LCOR: variants seen among roughly 807,000 people sequenced by gnomAD.
LCOR encodes the protein ligand dependent nuclear receptor corepressor, also known as ligand-dependent corepressor.
A neutral mutation model predicts 64.4 loss-of-function variants in LCOR; 14 were observed. The observed-to-expected ratio is 0.22, with a 90% CI of 0.14 to 0.34. The LOEUF is 0.34. LCOR is among the 10% of genes least tolerant of loss of function. LCOR has a pLI of 1.00. For synonymous variants in LCOR, 643 were observed against 642.5 expected, an observed-to-expected ratio of 1.00 and a Z score of -0.01; for missense variants, 1,686 against 1,765.3, an observed-to-expected ratio of 0.96 and a Z score of 0.80.
At chr10:96,954,157 AG>A (rs1847726376) in intron 7 of LCOR, among the ~76,000 whole-genome samples, 1 of 152,238 alleles carries the variant, frequency 6.6e-6, no homozygotes. Context: ...GTAGAACTTA[AG>A]GGGTAAATAA....
In LCOR at chr10:96,840,275, C is replaced by G. The variant is rs118140917; in HGVS notation, c.-330+6796C>G. 6.6e-4 allele frequency among the ~76,000 whole-genome samples: 100 copies of G among 152,230 alleles called. No homozygotes were observed. In the East Asian group the frequency reaches 7.7e-3, roughly 12 times the overall value. ...TTATTCCTTTGTTTCATGTTTTAAT[C>G]TACTTTTTGATAAAGAGAGTTGTAG... On this transcript the variant is annotated intron_variant, in intron 2 of 7. Transcript: ENST00000421806.
intron 2 of LCOR, among the ~76,000 whole-genome samples, chr10:96,872,986 A>AT (rs1846097934): frequency 6.6e-6 from 1 of 152,366 alleles, no homozygotes; most frequent in South Asian, 2.1e-4. Flanking sequence ...TCCCATATGC[A>AT]TAAATAACTG....
In LCOR at chr10:96,981,825, TAAAA is replaced by T; in HGVS notation, c.1366_1369del (p.Lys456GlyfsTer5). On this transcript the variant is annotated frameshift_variant, in exon 8 of 8. Coordinates refer to ENST00000421806, the MANE Select transcript of LCOR (RefSeq NM_001346516.2). LOFTEE classifies it low-confidence loss of function (END_TRUNC). ...CCTCCATCAAGACAGCTCGGAAAAG[TAAAA>T]GGGCATCAGGGCTGAGGATAAATGA... 6.2e-7 allele frequency: 1 copy of T among 1,614,126 alleles called. No individual in the cohort carries two copies. Among genetic ancestry groups the T allele is most frequent in the Non-Finnish European group, 8.5e-7 (1 of 1,180,018 alleles).
At position 96,908,277 on chromosome 10, in the gene LCOR, C is replaced by T. The variant is rs570843713; in HGVS notation, c.-184+530C>T. On this transcript the variant is annotated intron_variant, in intron 4 of 7. Coordinates refer to ENST00000421806, the MANE Select transcript of LCOR (RefSeq NM_001346516.2). ...AAGAGCTGGAATTACAGGCATGAGCCACCGCGCCCAGCCCATGCATTGTTT... is the reference window on the plus strand; with the variant it reads ...AAGAGCTGGAATTACAGGCATGAGCTACCGCGCCCAGCCCATGCATTGTTT... 5.9e-5 allele frequency among the ~76,000 whole-genome samples: 9 copies of T among 152,302 alleles called. No homozygotes were observed. The South Asian group carries it at 1.9e-3, about 32-fold the overall frequency.
chr10:96,983,868 A>G lies in LCOR; in HGVS notation c.3408A>G (p.Pro1136=). ...TGGAGAAAGAAGGACAGCCAACACCAAGAGCAAGGAACAAATCAGATAAAC... is the reference window on the plus strand; with the variant it reads ...TGGAGAAAGAAGGACAGCCAACACCGAGAGCAAGGAACAAATCAGATAAAC... ...IQLEKEGQPT[P]RARNKSDKLK... The change falls in exon 8 of 8, where the codon CCA becomes CCG. Residue 1136 remains proline, a synonymous_variant. Coordinates refer to ENST00000421806, the MANE Select transcript of LCOR (RefSeq NM_001346516.2). This position sits in a 1 kb window ranked among gnomAD's most constrained non-coding sequence, Gnocchi z 4.5. The G allele has an allele frequency of 1.9e-6, 3 of 1,614,226 alleles. No homozygotes were observed. The highest frequency in any genetic ancestry group is 1.7e-6 in the Non-Finnish European group (2 of 1,180,034).
chr10:96,833,338 C>T (rs1004883249), intron 1 of LCOR, 68 bp from the exon 2 acceptor site: 8 of 967,716 alleles, frequency 8.3e-6, no homozygotes, highest in African/African-American at 1.8e-5. Flanking sequence ...CGGGGGCGCC[C>T]CGGGAGGGGC....
At chr10:96,925,360 C>T (rs1382216618) in intron 4 of LCOR, among the ~76,000 whole-genome samples, 1 of 152,198 alleles carries the variant, frequency 6.6e-6, no homozygotes, top group African/African-American at 2.4e-5. Flanking sequence ...CAGGCATGGC[C>T]ACTGGGCCCA....
intron 2 of LCOR, among the ~76,000 whole-genome samples, chr10:96,848,260 A>G (rs1845665974): frequency 6.6e-6 from 1 of 152,214 alleles, no homozygotes; most frequent in African/African-American, 2.4e-5. Flanking sequence ...GCTGCTGCCA[A>G]TCTGTAGTTT....
At chr10:96,931,050 C>T (rs1268852674) in intron 4 of LCOR, among the ~76,000 whole-genome samples, 3 of 151,196 alleles carry the variant, frequency 2.0e-5, no homozygotes, top group African/African-American at 7.4e-5. Context: ...ATAATAAAGG[C>T]TCCTATTAGA....
At chr10:96,906,075 T>G (rs1473865366) in intron 2 of LCOR, among the ~76,000 whole-genome samples, 1 of 152,154 alleles carries the variant, frequency 6.6e-6, no homozygotes, top group Non-Finnish European at 1.5e-5. Flanking sequence ...GGGCCTTATG[T>G]GTCCGGCAGG....
At chr10:96,907,598 T>G in intron 3 of LCOR, 70 bp from the exon 4 acceptor site, 2 of 605,194 alleles carry the variant, frequency 3.3e-6, no homozygotes, top group Non-Finnish European at 4.1e-6. Flanking sequence ...ACAATATTTT[T>G]GAAATTAATT....
intron 2 of LCOR, among the ~76,000 whole-genome samples, chr10:96,859,015 T>G (rs1845846795): frequency 6.6e-6 from 1 of 152,182 alleles, no homozygotes; most frequent in Non-Finnish European, 1.5e-5. Context: ...CAGGACACTT[T>G]GTATTGCAAA....
chr10:96,991,754 C>T lies in LCOR; in HGVS notation c.*6620C>T, dbSNP rs1259005445. 1.3e-5 allele frequency: 2 copies of T among 152,166 alleles called. No individual in the cohort carries two copies. Among genetic ancestry groups the T allele is most frequent in the East Asian group, 1.9e-4 (1 of 5,200 alleles). 9.4% of individuals were successfully genotyped at this position (152,166 alleles called of 1,614,324 possible). On this transcript the variant is annotated 3_prime_UTR_variant, in exon 8 of 8. Transcript: ENST00000421806. ...ACAGAACAAGTTCAGGGCTCTCCAG[C>T]CCAGCCCGAGTCACTGCTCGTTCTG...
intron 4 of LCOR, among the ~76,000 whole-genome samples, chr10:96,920,392 G>A (rs924180758): frequency 3.7e-3 from 135 of 36,394 alleles, no homozygotes; most frequent in African/African-American, 9.0e-3. Context: ...ATATATATAT[G>A]TGTATATATG....
chr10:96,920,754 A>ATG (rs879519941), intron 4 of LCOR, among the ~76,000 whole-genome samples: 11,882 of 127,170 alleles, frequency 0.093, 1,006 homozygotes, highest in African/African-American at 0.19. Flanking sequence ...ATATGTATAC[A>ATG]CACACACACA....
chr10:96,942,205 C>G (rs867682441), intron 4 of LCOR, among the ~76,000 whole-genome samples: 2 of 149,064 alleles, frequency 1.3e-5, no homozygotes, highest in African/African-American at 4.9e-5. Flanking sequence ...CTCGGGAGGC[C>G]GAGGCTGGCG....
intron 2 of LCOR, among the ~76,000 whole-genome samples, chr10:96,899,910 G>T (rs986045547): frequency 1.3e-5 from 2 of 152,034 alleles, no homozygotes; most frequent in African/African-American, 4.8e-5. Context: ...TACCTGTTTT[G>T]TAAACAGCTT....
intron 2 of LCOR, among the ~76,000 whole-genome samples, chr10:96,868,930 G>A (rs1208995173): frequency 6.6e-6 from 1 of 152,026 alleles, no homozygotes; most frequent in Non-Finnish European, 1.5e-5. Flanking sequence ...TTTTTTGAGA[G>A]AGTCTCACTC....
At chr10:96,936,650 A>G (rs922781253) in intron 4 of LCOR, among the ~76,000 whole-genome samples, 5 of 152,212 alleles carry the variant, frequency 3.3e-5, no homozygotes, top group Non-Finnish European at 1.5e-5. Flanking sequence ...AAACTTACCA[A>G]TACTGATGTA....
Sources: gnomAD v4.1 joint callset for allele counts (sites outside exome capture counted in the v4.1 genomes callset) on GRCh38, gnomAD v4.1.1 for gene constraint, Gnocchi (gnomAD v3.1) non-coding constraint, MANE v1.5 for transcripts, NCBI Gene and HGNC (gene_info 2026-07-23, HGNC 2026-07-21) for gene names.